Variants in AKAP12 observed in about 807,000 individuals in gnomAD.
AKAP12 encodes the protein A-kinase anchoring protein 12, also known as A-kinase anchor protein 12.
Under a neutral mutation model 79.9 loss-of-function variants are expected in AKAP12, and 32 were observed. The ratio of observed to expected loss-of-function variants is 0.40; its 90% CI spans 0.30 to 0.54. AKAP12 has a LOEUF of 0.54. Among genes scored for constraint, AKAP12 ranks in the 20% least tolerant of loss-of-function variants. The pLI, the probability that AKAP12 is intolerant of heterozygous loss-of-function variation, is 0.48. For synonymous variants in AKAP12, 808 were observed against 857.0 expected, an observed-to-expected ratio of 0.94 and a Z score of 1.00; for missense variants, 2,074 against 2,177.0, an observed-to-expected ratio of 0.95 and a Z score of 0.94.
intron 2 of AKAP12, among the ~76,000 whole-genome samples, chr6:151,272,972 A>G (rs965987501): frequency 1.3e-5 from 2 of 152,128 alleles, no homozygotes; most frequent in Non-Finnish European, 2.9e-5. Context: ...CAGTGGTGCA[A>G]TCTCAACTCA....
At chr6:151,251,952 G>A (rs918540314) in intron 2 of AKAP12, among the ~76,000 whole-genome samples, 2 of 152,132 alleles carry the variant, frequency 1.3e-5, no homozygotes, top group African/African-American at 4.8e-5. Context: ...AGTTGAGATC[G>A]CTCTGCTGCA....
chr6:151,350,084 A>G lies in AKAP12; in HGVS notation c.1693A>G (p.Ser565Gly). The G allele has an allele frequency of 1.2e-6, 2 of 1,614,124 alleles. No individual in the cohort carries two copies. Among genetic ancestry groups the G allele is most frequent in the Non-Finnish European group, 1.7e-6 (2 of 1,180,022 alleles). ...CAGCCAGGAGGAGCAAAAGGGCGAG[A>G]GCTCTGCCTCATCCCCTGAGGAGCC... ...PDSQEEQKGE[S>G]SASSPEEPEE... is the part of the protein sequence containing the mutation. Residue 565 changes from serine to glycine, a missense_variant, in exon 4 of 5, where the codon AGC (serine) becomes GGC (glycine). Coordinates refer to ENST00000402676, the MANE Select transcript of AKAP12 (RefSeq NM_005100.4). The surrounding 1 kb of genome is among the most constrained non-coding windows in gnomAD (Gnocchi z 4.8).
At chr6:151,310,639 A>G (rs1777074990) in intron 3 of AKAP12, among the ~76,000 whole-genome samples, 1 of 152,184 alleles carries the variant, frequency 6.6e-6, no homozygotes, top group African/African-American at 2.4e-5. Context: ...TCTGTTAGGC[A>G]GATGATTTTT....
chr6:151,316,110 C>A (rs1777227233), intron 3 of AKAP12, among the ~76,000 whole-genome samples: 1 of 152,172 alleles, frequency 6.6e-6, no homozygotes, highest in Non-Finnish European at 1.5e-5. Flanking sequence ...AAGATATATT[C>A]TCTGGGCTTA....
At chr6:151,348,619 A>C in intron 3 of AKAP12, 92 bp from the exon 4 acceptor site, 13 of 909,408 alleles carry the variant, frequency 1.4e-5, no homozygotes, top group Non-Finnish European at 1.8e-5. Flanking sequence ...AGCCGGGGCA[A>C]GAGAGTGAGG....
intron 2 of AKAP12, among the ~76,000 whole-genome samples, chr6:151,299,750 T>G (rs575609684): frequency 8.3e-5 from 8 of 96,060 alleles, no homozygotes; most frequent in Non-Finnish European, 1.5e-4. Context: ...TGATAGACAT[T>G]TAAGGGTTTT....
chr6:151,295,284 T>C (rs947246831), intron 2 of AKAP12, among the ~76,000 whole-genome samples: 13 of 152,242 alleles, frequency 8.5e-5, no homozygotes. Flanking sequence ...ATGGAATTAA[T>C]TTTGCATGCT....
At chr6:151,280,647 T>A (rs1003465976) in intron 2 of AKAP12, 1 of 43,974 alleles carries the variant, frequency 2.3e-5, no homozygotes, top group South Asian at 1.2e-3. Flanking sequence ...TTTCATTTTC[T>A]TTTTTTTTTT....
chr6:151,310,152 C>T (rs550458810), intron 3 of AKAP12, among the ~76,000 whole-genome samples: 3 of 152,080 alleles, frequency 2.0e-5, no homozygotes, highest in Admixed American at 2.0e-4. Flanking sequence ...CACCTCAGGC[C>T]AGGAGGTCCA....
intron 2 of AKAP12, among the ~76,000 whole-genome samples, chr6:151,303,305 A>G (rs938515462): frequency 1.3e-5 from 2 of 152,236 alleles, no homozygotes; most frequent in Non-Finnish European, 2.9e-5. Context: ...GGTTTCATTT[A>G]AAATGCCCAT....
intron 2 of AKAP12, among the ~76,000 whole-genome samples, chr6:151,289,379 G>C (rs1447469270): frequency 6.6e-6 from 1 of 152,160 alleles, no homozygotes; most frequent in African/African-American, 2.4e-5. Flanking sequence ...TTAGAGCATT[G>C]GGTTATGTAG....
intron 2 of AKAP12, among the ~76,000 whole-genome samples, chr6:151,286,721 C>T (rs543896238): frequency 6.6e-6 from 1 of 152,298 alleles, no homozygotes; most frequent in Admixed American, 6.5e-5. Flanking sequence ...CCACTTTGTA[C>T]TCTGTCTTTC....
chr6:151,320,720 C>T (rs1777359370), intron 3 of AKAP12, among the ~76,000 whole-genome samples: 1 of 152,178 alleles, frequency 6.6e-6, no homozygotes, highest in Admixed American at 6.5e-5. Context: ...CAGTCTCTTC[C>T]TCCCGTCATC....
At chr6:151,345,947 GAGAGAGAGAGAGAGAGAA>G in intron 3 of AKAP12, among the ~76,000 whole-genome samples, 1 of 150,976 alleles carries the variant, frequency 6.6e-6, no homozygotes, top group Non-Finnish European at 1.5e-5. Flanking sequence ...GAGAGAGAGA[GAGAGAGAGAGAGAGAGAA>G]AGGAGAGACA....
At chr6:151,330,926 T>C (rs1777650501) in intron 3 of AKAP12, among the ~76,000 whole-genome samples, 1 of 152,120 alleles carries the variant, frequency 6.6e-6, no homozygotes, top group Admixed American at 6.6e-5. Context: ...CTTCTTGGGA[T>C]CATGGAGCGT....
intron 3 of AKAP12, chr6:151,325,262 A>T: frequency 2.0e-6 from 2 of 985,464 alleles, no homozygotes; most frequent in Non-Finnish European, 2.4e-6. Flanking sequence ...AAACAAACAT[A>T]AGGATGCAGA....
intron 3 of AKAP12, among the ~76,000 whole-genome samples, chr6:151,341,472 G>C (rs1777943967): frequency 6.6e-6 from 1 of 152,218 alleles, no homozygotes; most frequent in Non-Finnish European, 1.5e-5. Flanking sequence ...CCACTGGGGC[G>C]GTCCGCAGGA....
At chr6:151,302,459 A>G (rs914971907) in intron 2 of AKAP12, among the ~76,000 whole-genome samples, 1 of 152,188 alleles carries the variant, frequency 6.6e-6, no homozygotes, top group African/African-American at 2.4e-5. Context: ...TGCCCGGCTC[A>G]GTAACATTTC....
At chr6:151,279,428 T>C (rs1283445776) in intron 2 of AKAP12, among the ~76,000 whole-genome samples, 25 of 151,960 alleles carry the variant, frequency 1.6e-4, no homozygotes, top group Admixed American at 1.6e-3. Flanking sequence ...AATTTTTGTG[T>C]GTGTGTGATT....
Sources: allele counts gnomAD v4.1 joint callset (sites outside exome capture counted in the v4.1 genomes callset), GRCh38; gene constraint gnomAD v4.1.1; non-coding constraint Gnocchi (gnomAD v3.1); transcripts MANE v1.5; gene names NCBI Gene and HGNC (gene_info 2026-07-23, HGNC 2026-07-21).